Variants in HDGF observed in about 807,000 individuals in gnomAD.
The protein encoded by HDGF is hepatoma-derived growth factor.
Under a neutral mutation model 30.0 loss-of-function variants are expected in HDGF, and 5 were observed. The ratio of observed to expected loss-of-function variants is 0.17; its 90% CI spans 0.09 to 0.35. The LOEUF (loss-of-function observed/expected upper bound fraction) is 0.35. HDGF is among the 10% of genes least tolerant of loss of function. HDGF has a pLI of 1.00. For missense variants in HDGF, 214 were observed against 302.8 expected (o/e 0.71, Z 2.18); for synonymous variants, 133 against 112.7 (o/e 1.18, Z -1.14).
chr1:156,762,332 G>C (rs1406426877), intron 1 of HDGF, among the ~76,000 whole-genome samples: 1 of 151,134 alleles, frequency 6.6e-6, no homozygotes, highest in African/African-American at 2.4e-5. Flanking sequence ...CAGGAGGATT[G>C]CTTGACCTCA....
At chr1:156,755,530 ACCT>A (rs1479939354), upstream of HDGF, 1 of 151,878 alleles carries the variant, frequency 6.6e-6, no homozygotes, top group Non-Finnish European at 1.5e-5. Context: ...AGAATACAAA[ACCT>A]CACCTGCTTA....
upstream of HDGF, among the ~76,000 whole-genome samples, chr1:156,753,080 G>C (rs1273885498): frequency 6.6e-6 from 1 of 152,226 alleles, no homozygotes; most frequent in Non-Finnish European, 1.5e-5. Flanking sequence ...TAACAACAGA[G>C]GCATAGAATG....
At chr1:156,752,452 C>T, upstream of HDGF, 2 of 1,239,762 alleles carry the variant, frequency 1.6e-6, no homozygotes, top group Non-Finnish European at 2.3e-6. Flanking sequence ...CAGTTCTAGT[C>T]GGTTACGGTA....
At chr1:156,753,450 T>A (rs563387627), upstream of HDGF, among the ~76,000 whole-genome samples, 1 of 152,354 alleles carries the variant, frequency 6.6e-6, no homozygotes, top group African/African-American at 2.4e-5. Flanking sequence ...TCAGGCTAAA[T>A]CTTTTTGTTA....
chr1:156,756,260 A>T (rs1040474956), upstream of HDGF, among the ~76,000 whole-genome samples: 1 of 152,206 alleles, frequency 6.6e-6, no homozygotes, highest in Non-Finnish European at 1.5e-5. Context: ...TCAATAAATA[A>T]ATAAATAAAT....
chr1:156,749,041 C>T (rs1650790428), intron 1 of HDGF, among the ~76,000 whole-genome samples: 1 of 152,188 alleles, frequency 6.6e-6, no homozygotes. Context: ...TTGGAGATCC[C>T]CCAGGAAGTT....
In HDGF at chr1:156,743,751, G is replaced by C. The variant is rs752385621; in HGVS notation, c.617C>G (p.Ser206Cys). ...EKNSTPSEPG[S>C]GRGPPQEEEE... ...TTCCTCTTGGGGAGGCCCCCGGCCA[G>C]AGCCGGGCTCAGAGGGGGTGCTATT... Residue 206 changes from serine to cysteine, a missense_variant, in exon 5 of 6, where the codon TCT becomes TGT. Ser to Cys is a moderately radical substitution (Grantham distance 112, BLOSUM62 -1). Coordinates refer to ENST00000357325, the MANE Select transcript of HDGF (RefSeq NM_004494.3). 6.2e-7 allele frequency: 1 copy of C among 1,600,636 alleles called. No homozygotes were observed.
chr1:156,754,613 G>A (rs1288641174), upstream of HDGF, among the ~76,000 whole-genome samples: 1 of 152,172 alleles, frequency 6.6e-6, no homozygotes, highest in Non-Finnish European at 1.5e-5. Flanking sequence ...AGACGTTAAC[G>A]TGCAATCAAA....
intron 1 of HDGF, among the ~76,000 whole-genome samples, chr1:156,750,406 G>C (rs1168298649): frequency 6.6e-6 from 1 of 152,138 alleles, no homozygotes; most frequent in Non-Finnish European, 1.5e-5. Flanking sequence ...CAGTCCTTAG[G>C]GGAAACATGA....
At chr1:156,745,468 A>G (rs1650467399) in intron 1 of HDGF, 95 bp from the exon 2 acceptor site, 1 of 1,022,130 alleles carries the variant, frequency 9.8e-7, no homozygotes, top group African/African-American at 1.6e-5. Flanking sequence ...ATATAAAATC[A>G]GACTGAGAGG....
At chr1:156,765,479 T>G (rs1380062971) in intron 1 of HDGF, among the ~76,000 whole-genome samples, 1 of 131,962 alleles carries the variant, frequency 7.6e-6, no homozygotes, top group African/African-American at 2.9e-5. Context: ...TTTCTTTTTT[T>G]TTTTTTTTTT....
At chr1:156,759,244 T>G (rs1651203125) in intron 1 of HDGF, 1 of 152,190 alleles carries the variant, frequency 6.6e-6, no homozygotes, top group Admixed American at 6.6e-5. Flanking sequence ...AGGAGTGATT[T>G]ACCAAAAAGT....
intron 1 of HDGF, 133 bp from the exon 2 acceptor site, chr1:156,745,506 T>G (rs1368329416): frequency 4.4e-6 from 3 of 686,386 alleles, no homozygotes; most frequent in Non-Finnish European, 7.4e-6. Context: ...AAGATGGCTT[T>G]TGGGCCATTT....
chr1:156,744,599 AC>A (rs1237683855), intron 3 of HDGF: 1 of 1,471,008 alleles, frequency 6.8e-7, no homozygotes, highest in South Asian at 1.3e-5. Flanking sequence ...CCTCGGGTCA[AC>A]TTCTCCCAAA....
Position 156,751,419 on chromosome 1 carries a change from G to C in HDGF, c.11C>G (p.Ser4Cys), listed in dbSNP as rs1490472576. 1 of 1,590,004 alleles carries C rather than the reference G, an allele frequency of 6.3e-7. No homozygotes were observed. Among genetic ancestry groups the C allele is most frequent in the South Asian group, 1.1e-5 (1 of 88,676 alleles). ...GCATTTGTACTCCTTCTGCCGGTTG[G>C]ATCGCGACATGGCGGGGCTCCGGGC... MSR[S>C]NRQKEYKCGD... Residue 4 changes from serine (S) to cysteine (C), a missense_variant, in exon 1 of 6, where the codon TCC (serine) becomes TGC (cysteine). Physicochemically the swap from Ser to Cys is moderately radical, Grantham distance 112 (BLOSUM62 -1). Transcript: ENST00000357325. This position sits in a 1 kb window ranked among gnomAD's most constrained non-coding sequence, Gnocchi z 4.7.
chr1:156,743,319 A>C lies in HDGF; in HGVS notation c.*130T>G. On this transcript the variant is annotated 3_prime_UTR_variant, in exon 6 of 6. Transcript: ENST00000357325. Reference sequence around the variant, plus strand: ...CCATGGGCTGGGCTTGGAGTGGGAAAAGTGAGTAGAAGAGGAGAGCAGGTT... The same window carrying C: ...CCATGGGCTGGGCTTGGAGTGGGAACAGTGAGTAGAAGAGGAGAGCAGGTT... 1 of 1,012,516 alleles carries C rather than the reference A, an allele frequency of 9.9e-7. No homozygotes were observed. 62.7% of individuals were successfully genotyped at this position (1,012,516 alleles called of 1,614,324 possible).
chr1:156,744,401 C>T, intron 3 of HDGF, 53 bp from the exon 4 acceptor site: 1 of 1,603,778 alleles, frequency 6.2e-7, no homozygotes, highest in South Asian at 1.1e-5. Flanking sequence ...CATGCTGGGC[C>T]CCCTCCCCAG....
chr1:156,754,107 G>C (rs1262380260), upstream of HDGF, among the ~76,000 whole-genome samples: 1 of 152,048 alleles, frequency 6.6e-6, no homozygotes, highest in African/African-American at 2.4e-5. Flanking sequence ...GTAGAGACGG[G>C]GTTTCACCAT....
At chr1:156,765,176 T>C (rs1335629620) in intron 1 of HDGF, among the ~76,000 whole-genome samples, 4 of 135,870 alleles carry the variant, frequency 2.9e-5, no homozygotes, top group Non-Finnish European at 6.2e-5. Context: ...CACCACAACC[T>C]CCGCCTCCCG....
Sources: allele counts gnomAD v4.1 joint callset (sites outside exome capture counted in the v4.1 genomes callset), GRCh38; gene constraint gnomAD v4.1.1; non-coding constraint Gnocchi (gnomAD v3.1); transcripts MANE v1.5; gene names NCBI Gene and HGNC (gene_info 2026-07-23, HGNC 2026-07-21).